The following CSMD1 variants were observed in gnomAD, a reference collection of about 807,000 sequenced individuals.
The protein encoded by CSMD1 is CUB and sushi domain-containing protein 1.
Under a neutral mutation model 417.5 loss-of-function variants are expected in CSMD1, and 213 were observed. That is an observed-to-expected ratio of 0.51 (90% confidence interval 0.46 to 0.57). The LOEUF is 0.57. CSMD1 is among the 20% of genes least tolerant of loss of function. The probability of loss-of-function intolerance (pLI) is 0.00; values close to 1 mark genes in which losing one functional copy is unlikely to be tolerated. For missense variants in CSMD1, 6,923 were observed against 4,529.7 expected, an observed-to-expected ratio of 1.53 and a Z score of -15.17; for synonymous variants, 2,862 against 1,736.8, an observed-to-expected ratio of 1.65 and a Z score of -16.11.
chr8:3,892,072 G>A (rs1191719077), intron 5 of CSMD1, among the ~76,000 whole-genome samples: 3 of 152,092 alleles, frequency 2.0e-5, no homozygotes, highest in Admixed American at 6.5e-5. Flanking sequence ...AAGGTTCATT[G>A]TGTGTGTGCT....
intron 12 of CSMD1, among the ~76,000 whole-genome samples, chr8:3,439,872 T>C (rs559285937): frequency 2.6e-5 from 4 of 152,338 alleles, no homozygotes; most frequent in East Asian, 3.9e-4. Context: ...TTTTGGCCTA[T>C]GTATGTCCAG....
intron 5 of CSMD1, among the ~76,000 whole-genome samples, chr8:3,969,667 T>G (rs1166433917): frequency 6.6e-6 from 1 of 152,226 alleles, no homozygotes; most frequent in Non-Finnish European, 1.5e-5. Flanking sequence ...AAAGGTTCCT[T>G]GCTTTGATGT....
chr8:2,972,189 T>A lies in CSMD1; in HGVS notation c.8923+928A>T, dbSNP rs1415633948. The stretch of plus-strand genomic sequence containing the variant: ...ATTATTTCTATTTACCTATATAGAA[T>A]GTATAATACAATAAAGGCAGAAGTG... On this transcript the variant is annotated intron_variant, in intron 57 of 69. Coordinates refer to ENST00000635120, the MANE Select transcript of CSMD1 (RefSeq NM_033225.6). Among the ~76,000 whole-genome samples, 4 of 152,238 alleles carry A rather than the reference T, an allele frequency of 2.6e-5. No homozygotes were observed. In the East Asian group the frequency reaches 7.7e-4, roughly 29 times the overall value.
In CSMD1 at chr8:4,189,983, G is replaced by C. The variant is rs189539338; in HGVS notation, c.416-157884C>G. ...GTGCTTAAAAGCAGAGACTCGCCAG[G>C]TGTGGTGGCTCACGCCTGAAATCCC... On this transcript the variant is annotated intron_variant, in intron 3 of 69. Coordinates refer to ENST00000635120, the MANE Select transcript of CSMD1 (RefSeq NM_033225.6). 6.6e-3 allele frequency among the ~76,000 whole-genome samples: 1,002 copies of C among 151,998 alleles called. 11 individuals carry two copies. The highest frequency in any genetic ancestry group is 6.6e-3 in the Non-Finnish European group (451 of 67,962).
chr8:4,423,455 C>A (rs1797364516), intron 2 of CSMD1, among the ~76,000 whole-genome samples: 1 of 152,032 alleles, frequency 6.6e-6, no homozygotes, highest in Non-Finnish European at 1.5e-5. Context: ...ACATCAATCA[C>A]AACAGCTCAA....
intron 5 of CSMD1, among the ~76,000 whole-genome samples, chr8:3,865,967 A>G (rs1253333703): frequency 6.6e-6 from 1 of 152,324 alleles, no homozygotes; most frequent in East Asian, 1.9e-4. Context: ...TAAAATAATG[A>G]AAAGTGAAAG....
intron 42 of CSMD1, among the ~76,000 whole-genome samples, chr8:3,116,928 A>T (rs1563060204): frequency 6.6e-6 from 1 of 152,138 alleles, no homozygotes. Flanking sequence ...TTTTAATGAA[A>T]AACAGCCCAG....
At chr8:4,111,172 C>T (rs1302185621) in intron 3 of CSMD1, among the ~76,000 whole-genome samples, 1 of 152,100 alleles carries the variant, frequency 6.6e-6, no homozygotes, top group Non-Finnish European at 1.5e-5. Flanking sequence ...AAAAGTTTCC[C>T]TGTTCCCAAT....
intron 3 of CSMD1, among the ~76,000 whole-genome samples, chr8:4,309,550 G>A (rs933302436): frequency 2.0e-5 from 3 of 151,866 alleles, no homozygotes; most frequent in Non-Finnish European, 4.4e-5. Context: ...TAAATCATAG[G>A]CTCACATCAA....
rs375384770 is a variant in CSMD1, at chr8:4,981,913, C to T, written c.85+12419G>A. On this transcript the variant is annotated intron_variant, in intron 1 of 69. Transcript: ENST00000635120. The stretch of plus-strand genomic sequence containing the variant: ...CTCTCTCTCTCCCCCAACCCCACTC[C>T]TAACCTGGTTTGAGCCATGCTAGGA... Among the ~76,000 whole-genome samples the T allele has an allele frequency of 2.4e-4, 37 of 152,272 alleles. No homozygotes were observed. In the East Asian group the frequency reaches 6.6e-3, roughly 27 times the overall value.
chr8:3,570,484 G>C (rs12677339), intron 10 of CSMD1, among the ~76,000 whole-genome samples: 2 of 152,066 alleles, frequency 1.3e-5, no homozygotes, highest in East Asian at 1.9e-4. Context: ...CATTAAACAT[G>C]ACCAAATCGG....
intron 5 of CSMD1, among the ~76,000 whole-genome samples, chr8:3,806,886 G>T (rs1461566248): frequency 6.6e-6 from 1 of 152,184 alleles, no homozygotes; most frequent in Non-Finnish European, 1.5e-5. Flanking sequence ...AGTAGTTAGA[G>T]ACTTAATATA....
chr8:4,126,268 A>C (rs921381103), intron 3 of CSMD1, among the ~76,000 whole-genome samples: 4 of 152,182 alleles, frequency 2.6e-5, no homozygotes, highest in African/African-American at 9.7e-5. Context: ...CCGGCTCTGC[A>C]TGAATCACTC....
intron 1 of CSMD1, among the ~76,000 whole-genome samples, chr8:4,797,876 A>G (rs1309279655): frequency 6.6e-6 from 1 of 152,232 alleles, no homozygotes; most frequent in Admixed American, 6.5e-5. Flanking sequence ...GGATTTTACG[A>G]AAATCATCTT....
chr8:3,011,943 C>G (rs982510510), intron 52 of CSMD1, among the ~76,000 whole-genome samples: 3 of 152,116 alleles, frequency 2.0e-5, no homozygotes, highest in African/African-American at 7.2e-5. Context: ...GGTGGATTAG[C>G]AAGTGCCTGA....
At chr8:3,352,129 C>T (rs568372739) in intron 21 of CSMD1, among the ~76,000 whole-genome samples, 1 of 152,234 alleles carries the variant, frequency 6.6e-6, no homozygotes, top group East Asian at 1.9e-4. Context: ...GTTGGCATCT[C>T]CAAAGGCCTA....
intron 8 of CSMD1, among the ~76,000 whole-genome samples, chr8:3,608,528 C>A (rs915590880): frequency 1.3e-5 from 2 of 151,956 alleles, no homozygotes; most frequent in African/African-American, 4.8e-5. Flanking sequence ...CTTAGGGAGG[C>A]CAAGGTGGGT....
chr8:3,621,111 C>T (rs533320637), intron 7 of CSMD1, among the ~76,000 whole-genome samples: 8 of 152,256 alleles, frequency 5.3e-5, no homozygotes, highest in East Asian at 3.9e-4. Context: ...AAGGAGAGAG[C>T]GCTTAGAAGA....
In CSMD1 at chr8:3,359,426, T is replaced by TAAAAAA. The variant is rs34858861; in HGVS notation, c.3116-92_3116-87dup. On this transcript the variant is annotated intron_variant, in intron 20 of 69. Coordinates refer to ENST00000635120, the MANE Select transcript of CSMD1 (RefSeq NM_033225.6). ...TAGCAAGAATAAAAAGTGCTATTACTAAAAAAAAAAAAAAAAACCTACATA... is the reference window on the plus strand; with the variant it reads ...TAGCAAGAATAAAAAGTGCTATTACTAAAAAAAAAAAAAAAAAAAAAAACCTACATA... 79 of 515,388 alleles carry TAAAAAA rather than the reference T, an allele frequency of 1.5e-4. No individual in the cohort carries two copies. The African/African-American group carries it at 1.7e-3, about 11-fold the overall frequency. The allele number at this position is 515,388 out of a possible 1,614,324, so 31.9% of individuals were successfully genotyped here.
Sources: gnomAD v4.1 joint callset for allele counts (sites outside exome capture counted in the v4.1 genomes callset) on GRCh38, gnomAD v4.1.1 for gene constraint, MANE v1.5 for transcripts, NCBI Gene and HGNC (gene_info 2026-07-23, HGNC 2026-07-21) for gene names.